Variants in CCDC3 observed in about 807,000 individuals in gnomAD.
CCDC3 encodes coiled-coil domain-containing protein 3.
Under a neutral mutation model 21.4 loss-of-function variants are expected in CCDC3, and 24 were observed. The ratio of observed to expected loss-of-function variants is 1.12; its 90% CI spans 0.81 to 1.58. CCDC3 has a LOEUF of 1.58. Ranked by LOEUF, CCDC3 falls within the 40% of genes most tolerant of loss-of-function variation. The pLI is 0.00. For missense variants in CCDC3, 425 were observed against 360.9 expected (o/e 1.18, Z -1.44); for synonymous variants, 186 against 166.0 (o/e 1.12, Z -0.93).
intron 4 of CCDC3, among the ~76,000 whole-genome samples, chr10:13,061,612 C>T (rs566541695): frequency 6.6e-6 from 1 of 152,258 alleles, no homozygotes; most frequent in South Asian, 2.1e-4. Flanking sequence ...CAATCAAATA[C>T]ATTTGAGAAA....
At chr10:12,899,082 T>C (rs11816148) in intron 2 of CCDC3, among the ~76,000 whole-genome samples, 1,663 of 152,182 alleles carry the variant, frequency 0.011, 19 homozygotes, top group African/African-American at 0.038. Context: ...CTGAGCCACT[T>C]ACATTCGCGA....
chr10:12,912,714 C>T (rs1834289103), intron 2 of CCDC3, among the ~76,000 whole-genome samples: 2 of 152,254 alleles, frequency 1.3e-5, no homozygotes, highest in Middle Eastern at 3.4e-3. Context: ...AGCTCTGCCC[C>T]TGTGTTTGCT....
intron 3 of CCDC3, among the ~76,000 whole-genome samples, chr10:13,080,424 T>C (rs1837023772): frequency 1.3e-5 from 2 of 152,186 alleles, no homozygotes; most frequent in African/African-American, 4.8e-5. Flanking sequence ...AATTTAAAAG[T>C]AATTAGGCCT....
At chr10:12,931,494 G>T (rs1834642967) in intron 2 of CCDC3, among the ~76,000 whole-genome samples, 1 of 152,168 alleles carries the variant, frequency 6.6e-6, no homozygotes, top group Admixed American at 6.5e-5. Flanking sequence ...AGATCTGAAA[G>T]GTGCAAGTGG....
At chr10:12,917,001 G>A (rs1394268773) in intron 2 of CCDC3, among the ~76,000 whole-genome samples, 1 of 152,136 alleles carries the variant, frequency 6.6e-6, no homozygotes, top group Non-Finnish European at 1.5e-5. Context: ...CCAGCCTGGA[G>A]TCTGGGGCTG....
intron 5 of CCDC3, among the ~76,000 whole-genome samples, chr10:13,023,694 T>C (rs182529652): frequency 1.3e-4 from 20 of 152,272 alleles, no homozygotes; most frequent in African/African-American, 4.8e-4. Flanking sequence ...TAATGGGCCA[T>C]GTCCTTACTA....
At chr10:12,939,462 A>G (rs1024847311) in intron 2 of CCDC3, among the ~76,000 whole-genome samples, 2 of 152,172 alleles carry the variant, frequency 1.3e-5, no homozygotes, top group African/African-American at 4.8e-5. Flanking sequence ...ATCTCTACTG[A>G]AAATACAAAA....
At chr10:12,964,512 A>C (rs1171083080) in intron 2 of CCDC3, among the ~76,000 whole-genome samples, 2 of 152,232 alleles carry the variant, frequency 1.3e-5, no homozygotes, top group Admixed American at 6.5e-5. Context: ...TCCATGAAGG[A>C]ATCTAGCCTG....
chr10:12,900,139 A>G (rs941463993), intron 2 of CCDC3, among the ~76,000 whole-genome samples: 1 of 152,206 alleles, frequency 6.6e-6, no homozygotes, highest in Non-Finnish European at 1.5e-5. Context: ...CTCCCCAGGC[A>G]TGTGGAATTG....
At chr10:13,031,254 A>G (rs368485099) in intron 5 of CCDC3, among the ~76,000 whole-genome samples, 1 of 152,250 alleles carries the variant, frequency 6.6e-6, no homozygotes. Flanking sequence ...TACTGGGTAA[A>G]TAACGAAATG....
rs756239631 is a variant in CCDC3 at position 13,017,442 on chromosome 10, G to A, written c.-1-18930C>T. Among the ~76,000 whole-genome samples, 46 of 150,558 alleles carry A rather than the reference G, an allele frequency of 3.1e-4. 1 individual carries two copies. The highest frequency in any genetic ancestry group is 5.0e-4 in the Non-Finnish European group (34 of 67,558). On this transcript the variant is annotated intron_variant, in intron 5 of 6. Coordinates refer to the CCDC3 transcript ENST00000378839. The stretch of plus-strand genomic sequence containing the variant: ...TGAGGCAGGAGAATTGCTTGAACCC[G>A]GGAGGTGGAGGTTGCAGTGAGTTGA...
At chr10:12,933,613 C>T (rs561990469) in intron 2 of CCDC3, among the ~76,000 whole-genome samples, 56 of 152,026 alleles carry the variant, frequency 3.7e-4, no homozygotes, top group African/African-American at 9.9e-4. Flanking sequence ...TGCACAACCA[C>T]GCCAGGATAA....
At position 13,054,072 on chromosome 10, in the gene CCDC3, G is replaced by A. The variant is rs144182855; in HGVS notation, c.-269-4131C>T. On this transcript the variant is annotated intron_variant, in intron 4 of 6. Coordinates refer to the CCDC3 transcript ENST00000378839. ...AGACAGGGGAATTGCTTAAACCCAG[G>A]AGGGGCAGGTTGCAGTGAGCCGAGA... Among the ~76,000 whole-genome samples the A allele has an allele frequency of 7.0e-3, 1,053 of 150,828 alleles. 15 individuals are homozygous for A. The highest frequency in any genetic ancestry group is 0.024 in the African/African-American group (1,003 of 41,240).
At chr10:13,005,829 C>A (rs1174780064), upstream of CCDC3, among the ~76,000 whole-genome samples, 7 of 152,326 alleles carry the variant, frequency 4.6e-5, no homozygotes, top group African/African-American at 1.7e-4. Context: ...TTAGAGATAA[C>A]TCTATAGATG....
intron 5 of CCDC3, among the ~76,000 whole-genome samples, chr10:13,030,274 TACAG>T (rs1295630208): frequency 6.6e-6 from 1 of 152,096 alleles, no homozygotes; most frequent in East Asian, 1.9e-4. Flanking sequence ...TAAAATCCCT[TACAG>T]ACAAGCAAAT....
intron 2 of CCDC3, among the ~76,000 whole-genome samples, chr10:12,976,763 G>C (rs1017490475): frequency 1.3e-5 from 2 of 152,178 alleles, no homozygotes; most frequent in Admixed American, 1.3e-4. Flanking sequence ...GGCTCTGTCC[G>C]ATACTACAGT....
At chr10:12,943,703 C>T (rs1420853407) in intron 2 of CCDC3, among the ~76,000 whole-genome samples, 1 of 152,192 alleles carries the variant, frequency 6.6e-6, no homozygotes, top group Non-Finnish European at 1.5e-5. Context: ...TCTGACCAGT[C>T]TTCTGGGCCC....
chr10:12,991,647 C>G (rs1177349142), intron 2 of CCDC3, among the ~76,000 whole-genome samples: 3 of 152,164 alleles, frequency 2.0e-5, no homozygotes, highest in Non-Finnish European at 4.4e-5. Context: ...AACACACGTT[C>G]TTAATGGAGC....
intron 4 of CCDC3, among the ~76,000 whole-genome samples, chr10:13,070,080 TCTAAA>T (rs1390038567): frequency 6.8e-6 from 1 of 146,998 alleles, no homozygotes; most frequent in East Asian, 2.0e-4. Context: ...AACTGAACGG[TCTAAA>T]CTAATACAAA....
Sources: allele counts gnomAD v4.1 joint callset (sites outside exome capture counted in the v4.1 genomes callset), GRCh38; gene constraint gnomAD v4.1.1; transcripts MANE v1.5; gene names NCBI Gene and HGNC (gene_info 2026-07-23, HGNC 2026-07-21).